Variants in USP47 observed in about 807,000 individuals in gnomAD.
USP47 encodes the protein ubiquitin carboxyl-terminal hydrolase 47.
USP47 carries 35 observed loss-of-function variants against 165.1 expected under a neutral mutation model. The observed-to-expected ratio is 0.21, with a 90% CI of 0.16 to 0.28. The LOEUF (loss-of-function observed/expected upper bound fraction) is 0.28, where lower values mean the gene tolerates loss of function less well. Among genes scored for constraint, USP47 ranks in the 10% least tolerant of loss-of-function variants. USP47 has a pLI of 1.00. For missense variants in USP47, 1,277 were observed against 1,607.4 expected, an observed-to-expected ratio of 0.79 and a Z score of 3.52; for synonymous variants, 531 against 544.5, an observed-to-expected ratio of 0.98 and a Z score of 0.35.
rs2134673948 is a variant in USP47 at position 11,929,482 on chromosome 11, G to C, written c.1435G>C (p.Ala479Pro). 6.2e-7 allele frequency: 1 copy of C among 1,613,124 alleles called. No homozygotes were observed. The highest frequency in any genetic ancestry group is 8.5e-7 in the Non-Finnish European group (1 of 1,179,358). The change falls in exon 12 of 28, where the codon GCT becomes CCT. Residue 479 changes from alanine (A) to proline (P), a missense_variant. By Grantham distance (27) the Ala-to-Pro change is conservative (BLOSUM62 -1). Transcript: ENST00000527733. Reference sequence around the variant, plus strand: ...CTCTGTTATGGTTCATTCTGGGAGCGCTGCTGGTGGTCATTATTATGCATG... The same window carrying C: ...CTCTGTTATGGTTCATTCTGGGAGCCCTGCTGGTGGTCATTATTATGCATG... ...LFSVMVHSGS[A>P]AGGHYYACIK...
At chr11:11,943,289 G>C in intron 20 of USP47, 177 bp downstream of exon 20, 1 of 531,150 alleles carries the variant, frequency 1.9e-6, no homozygotes. Flanking sequence ...CAGTAAATTA[G>C]ATGGTAATTA....
At chr11:11,880,125 T>C in intron 1 of USP47, 52 bp from the exon 2 acceptor site, 2 of 1,239,120 alleles carry the variant, frequency 1.6e-6, no homozygotes, top group South Asian at 1.6e-5. Flanking sequence ...AATTATACTT[T>C]TGTTTTGCTT....
At chr11:11,950,570 A>G in intron 24 of USP47, 88 bp downstream of exon 24, 1 of 895,688 alleles carries the variant, frequency 1.1e-6, no homozygotes, top group South Asian at 1.5e-5. Flanking sequence ...ATAATGAGTT[A>G]CGAGGAATCT....
intron 1 of USP47, among the ~76,000 whole-genome samples, chr11:11,860,510 T>A (rs548965092): frequency 6.6e-6 from 1 of 152,350 alleles, no homozygotes; most frequent in Non-Finnish European, 1.5e-5. Context: ...TAATTTCATG[T>A]TTGAAGTATT....
In USP47 at chr11:11,842,076, C is replaced by G. The variant is rs1590206222; in HGVS notation, c.-110C>G. The G allele has an allele frequency of 1.5e-6, 2 of 1,361,524 alleles. No individual in the cohort carries two copies. The highest frequency in any genetic ancestry group is 5.1e-5 in the East Asian group (2 of 39,308). 84.3% of individuals were successfully genotyped at this position (1,361,524 alleles called of 1,614,324 possible). A position where few individuals can be genotyped will look rare whatever the true frequency, so the allele number is the denominator to read the frequency against. ...GCTGAGGCCTCCGCTATTGCTGGAG[C>G]GCAGGCGGCGGAGAGGATGACTGCC... On this transcript the variant is annotated 5_prime_UTR_variant, in exon 1 of 28. Transcript: ENST00000527733.
rs76767268 is a variant in USP47 at position 11,935,652 on chromosome 11, C to G, written c.1870-651C>G. On this transcript the variant is annotated intron_variant, in intron 16 of 27. Coordinates refer to ENST00000527733, the MANE Select transcript of USP47 (RefSeq NM_001282659.2). ...TGAACATTGAATACTTCTAAGCAATCCTACTGTGTTTCTCTAGGAGGCTTA... is the reference window on the plus strand; with the variant it reads ...TGAACATTGAATACTTCTAAGCAATGCTACTGTGTTTCTCTAGGAGGCTTA... 4.9e-3 allele frequency among the ~76,000 whole-genome samples: 743 copies of G among 152,004 alleles called. 6 individuals are homozygous for G. The highest frequency in any genetic ancestry group is 0.017 in the African/African-American group (722 of 41,498).
At position 11,938,349 on chromosome 11, in the gene USP47, G is replaced by A; in HGVS notation, c.2170G>A (p.Glu724Lys). The A allele has an allele frequency of 6.2e-7, 1 of 1,611,788 alleles. No individual in the cohort carries two copies. The highest frequency in any genetic ancestry group is 8.5e-7 in the Non-Finnish European group (1 of 1,178,632). Residue 724 changes from glutamate to lysine, a missense_variant, in exon 18 of 28, where the codon GAA becomes AAA. Physicochemically the swap from Glu to Lys is moderately conservative, Grantham distance 56. Coordinates refer to ENST00000527733, the MANE Select transcript of USP47 (RefSeq NM_001282659.2). The stretch of plus-strand genomic sequence containing the variant: ...TGCTTACTTAAATCAGACAGTTACA[G>A]AATTCAAACAACTGATTTCAAAGGT... Reference protein sequence around the residue: ...VRAYLNQTVTEFKQLISKAIH... With the variant: ...VRAYLNQTVTKFKQLISKAIH...
intron 8 of USP47, among the ~76,000 whole-genome samples, chr11:11,910,517 T>A (rs1362160377): frequency 6.6e-6 from 1 of 152,100 alleles, no homozygotes; most frequent in African/African-American, 2.4e-5. Flanking sequence ...GCCTAGATTC[T>A]CTGTTCCTTC....
Position 11,920,135 on chromosome 11 carries a change from AAC to A in USP47, c.970-19_970-18del. 1.3e-6 allele frequency: 2 copies of A among 1,543,506 alleles called. No individual in the cohort carries two copies. The highest frequency in any genetic ancestry group is 2.8e-5 in the African/African-American group (2 of 71,732). ...AATATAATATTTTAAGTAATTATAAAACAAATTTTTTTCTAACTAGGAAGAAG... is the reference window on the plus strand; with the variant it reads ...AATATAATATTTTAAGTAATTATAAAAAATTTTTTTCTAACTAGGAAGAAG... On this transcript the variant is annotated intron_variant, in intron 8 of 27. Transcript: ENST00000527733.
chr11:11,945,495 A>G (rs562093822), intron 20 of USP47, among the ~76,000 whole-genome samples: 8 of 152,312 alleles, frequency 5.3e-5, no homozygotes, highest in African/African-American at 1.9e-4. Context: ...GAGAATAATT[A>G]CAGATCATTC....
rs1280351197 is a variant in USP47, at chr11:11,922,747, C to T, written c.1242C>T (p.Cys414=). Residue 414 remains cysteine, a synonymous_variant, in exon 11 of 28, where the codon TGC becomes TGT. Transcript: ENST00000527733. ...EDEKSPQTES[C]TDSGAENEGS... is the part of the protein sequence containing the mutation. The stretch of plus-strand genomic sequence containing the variant: ...AGAAATCTCCTCAGACTGAAAGTTG[C>T]ACTGACAGTGGAGCAGAAAATGAAG... 6.2e-7 allele frequency: 1 copy of T among 1,609,742 alleles called. No individual in the cohort carries two copies. Among genetic ancestry groups the T allele is most frequent in the Non-Finnish European group, 8.5e-7 (1 of 1,177,342 alleles).
At chr11:11,893,129 T>G (rs1851647392) in intron 4 of USP47, among the ~76,000 whole-genome samples, 1 of 152,216 alleles carries the variant, frequency 6.6e-6, no homozygotes, top group South Asian at 2.1e-4. Context: ...TAAAATGGCT[T>G]TTTTATGCAA....
chr11:11,948,102 A>G lies in USP47; in HGVS notation c.3249A>G (p.Ser1083=). The G allele has an allele frequency of 6.2e-7, 1 of 1,610,368 alleles. No individual in the cohort carries two copies. Among genetic ancestry groups the G allele is most frequent in the Non-Finnish European group, 8.5e-7 (1 of 1,178,924 alleles). Residue 1083 remains serine, a synonymous_variant, in exon 21 of 28, where the codon TCA becomes TCG. Transcript: ENST00000527733. The part of the protein sequence containing the change: ...ESVRLNETLS[S]FSDDNKITIR... The stretch of plus-strand genomic sequence containing the variant: ...TCCGGCTGAATGAGACACTTTCATC[A>G]TTTTCTGATGACAATAAGGTTGATT...
chr11:11,914,307 A>G lies in USP47; in HGVS notation c.970-5849A>G, dbSNP rs1204646037. 2.6e-5 allele frequency among the ~76,000 whole-genome samples: 4 copies of G among 152,146 alleles called. No individual in the cohort carries two copies. In the South Asian group the frequency reaches 8.3e-4, roughly 32 times the overall value. On this transcript the variant is annotated intron_variant, in intron 8 of 27. Transcript: ENST00000527733. Reference sequence around the variant, plus strand: ...ACAAAAGCAAGTCAATGGAGGAAAAATGGTGTTTCCAACAAATGGTGATGG... The same window carrying G: ...ACAAAAGCAAGTCAATGGAGGAAAAGTGGTGTTTCCAACAAATGGTGATGG...
Position 11,948,505 on chromosome 11 carries a change from A to G in USP47, c.3295A>G (p.Lys1099Glu). The G allele has an allele frequency of 6.2e-7, 1 of 1,612,678 alleles. No individual in the cohort carries two copies. The highest frequency in any genetic ancestry group is 8.5e-7 in the Non-Finnish European group (1 of 1,178,886). ...TACAATTAGACTGGGGAGAGCACTTAAAAAAGGAGAATACAGAGTTAAAGT... is the reference window on the plus strand; with the variant it reads ...TACAATTAGACTGGGGAGAGCACTTGAAAAAGGAGAATACAGAGTTAAAGT... ...KITIRLGRALKKGEYRVKVYQ... is the reference protein window; with the variant it reads ...KITIRLGRALEKGEYRVKVYQ... Residue 1099 changes from lysine to glutamate, a missense_variant, in exon 22 of 28, where the codon AAA becomes GAA. Coordinates refer to ENST00000527733, the MANE Select transcript of USP47 (RefSeq NM_001282659.2).
At chr11:11,943,744 G>T (rs960841182) in intron 20 of USP47, 1 of 151,970 alleles carries the variant, frequency 6.6e-6, no homozygotes, top group African/African-American at 2.4e-5. Context: ...TAAAATAAAA[G>T]AACCTTTATA....
chr11:11,868,764 A>G (rs1232446179), intron 1 of USP47, among the ~76,000 whole-genome samples: 3 of 151,750 alleles, frequency 2.0e-5, no homozygotes, highest in Admixed American at 6.6e-5. Context: ...GAGAGATTCA[A>G]TTTCTCTACT....
rs1053871678 is a variant in USP47, at chr11:11,959,738, T to TAGAG, written c.*3563_*3564insAGAG. Among the ~76,000 whole-genome samples, 1 of 152,128 alleles carries TAGAG rather than the reference T, an allele frequency of 6.6e-6. No individual in the cohort carries two copies. The highest frequency in any genetic ancestry group is 2.4e-5 in the African/African-American group (1 of 41,396). On this transcript the variant is annotated 3_prime_UTR_variant, in exon 28 of 28. Coordinates refer to ENST00000527733, the MANE Select transcript of USP47 (RefSeq NM_001282659.2). ...CAAAAGAGAGTTGAGAGGAATGCTC[T>TAGAG]GCCCCTTCCCCATCACAGCACTGCC... is the stretch of plus-strand genomic sequence containing the variant.
chr11:11,857,452 ATTTACC>A (rs1020929670), intron 1 of USP47, among the ~76,000 whole-genome samples: 1 of 152,214 alleles, frequency 6.6e-6, no homozygotes, highest in African/African-American at 2.4e-5. Flanking sequence ...TGAAATATTT[ATTTACC>A]TTTAGTTATT....
Sources: gnomAD v4.1 joint callset for allele counts (sites outside exome capture counted in the v4.1 genomes callset) on GRCh38, gnomAD v4.1.1 for gene constraint, MANE v1.5 for transcripts, NCBI Gene and HGNC (gene_info 2026-07-23, HGNC 2026-07-21) for gene names.